The following GRIA4 variants were observed in gnomAD, a reference collection of about 807,000 sequenced individuals.
GRIA4 encodes glutamate receptor 4.
Under a neutral mutation model 104.0 loss-of-function variants are expected in GRIA4, and 34 were observed. That is an observed-to-expected ratio of 0.33 (90% confidence interval 0.25 to 0.44). The LOEUF (loss-of-function observed/expected upper bound fraction) is 0.44, where lower values mean the gene tolerates loss of function less well. Among genes scored for constraint, GRIA4 ranks in the 20% least tolerant of loss-of-function variants. GRIA4 has a pLI of 1.00. For synonymous variants in GRIA4, 386 were observed against 381.9 expected, an observed-to-expected ratio of 1.01 and a Z score of -0.13; for missense variants, 750 against 1,096.5, an observed-to-expected ratio of 0.68 and a Z score of 4.46.
intron 3 of GRIA4, among the ~76,000 whole-genome samples, chr11:105,625,936 A>T (rs977457367): frequency 2.0e-5 from 3 of 152,130 alleles, no homozygotes; most frequent in Non-Finnish European, 4.4e-5. Flanking sequence ...CCTCAATCTT[A>T]ATTCAGCTAG....
intron 4 of GRIA4, among the ~76,000 whole-genome samples, chr11:105,859,683 T>C (rs1398238975): frequency 6.6e-6 from 1 of 152,070 alleles, no homozygotes; most frequent in Non-Finnish European, 1.5e-5. Flanking sequence ...GAGAAGACTA[T>C]TTCTATGTGT....
chr11:105,794,469 G>GTATATATATATATATATA lies in GRIA4; in HGVS notation c.487+41252_487+41253insATATATATATATATATAT, dbSNP rs1200611859. 4.2e-4 allele frequency among the ~76,000 whole-genome samples: 17 copies of GTATATATATATATATATA among 40,760 alleles called. 3 individuals are homozygous for GTATATATATATATATATA. The highest frequency in any genetic ancestry group is 6.9e-4 in the Non-Finnish European group (14 of 20,346). The allele number at this position is 40,760 out of a possible 152,430, so 26.7% of individuals were successfully genotyped here. A position where few individuals can be genotyped will look rare whatever the true frequency, so the allele number is the denominator to read the frequency against. On this transcript the variant is annotated intron_variant, in intron 4 of 16. Transcript: ENST00000282499. ...TGTGTGTGTCTGTGTGTGTGTATAT[G>GTATATATATATATATATA]TATGTATATATATATATATATATAT...
At chr11:105,962,725 C>T (rs1047129451) in intron 14 of GRIA4, among the ~76,000 whole-genome samples, 5 of 152,130 alleles carry the variant, frequency 3.3e-5, no homozygotes, top group African/African-American at 1.2e-4. Context: ...GTCTATGCAA[C>T]GTCATTGTCA....
intron 4 of GRIA4, among the ~76,000 whole-genome samples, chr11:105,837,394 C>G (rs985341362): frequency 6.6e-6 from 1 of 152,070 alleles, no homozygotes; most frequent in Non-Finnish European, 1.5e-5. Context: ...GATCCAAGAC[C>G]ACAGCTGGAG....
chr11:105,752,496 T>C (rs1330308097), intron 3 of GRIA4, among the ~76,000 whole-genome samples: 1 of 152,102 alleles, frequency 6.6e-6, no homozygotes, highest in Admixed American at 6.6e-5. Context: ...TATAATCCAA[T>C]TCAAGAATAG....
intron 3 of GRIA4, among the ~76,000 whole-genome samples, chr11:105,617,838 G>C (rs184719029): frequency 6.6e-6 from 1 of 152,066 alleles, no homozygotes; most frequent in African/African-American, 2.4e-5. Context: ...GTGGGAAAGA[G>C]AGACAAGTCA....
At chr11:105,893,090 G>A (rs773943457) in intron 6 of GRIA4, among the ~76,000 whole-genome samples, 1 of 151,836 alleles carries the variant, frequency 6.6e-6, no homozygotes, top group Non-Finnish European at 1.5e-5. Flanking sequence ...CAAGTTGGAC[G>A]TTAATCTAGA....
intron 3 of GRIA4, among the ~76,000 whole-genome samples, chr11:105,699,649 C>A (rs1278487313): frequency 2.0e-5 from 3 of 152,016 alleles, no homozygotes; most frequent in Non-Finnish European, 4.4e-5. Context: ...ATTGCTACAC[C>A]TTGCACAGAA....
At chr11:105,788,552 C>T (rs1297715827) in intron 4 of GRIA4, among the ~76,000 whole-genome samples, 1 of 152,110 alleles carries the variant, frequency 6.6e-6, no homozygotes, top group African/African-American at 2.4e-5. Context: ...ACATGGAATA[C>T]TATGCAGCCA....
At chr11:105,618,535 C>A (rs1211097309) in intron 3 of GRIA4, among the ~76,000 whole-genome samples, 1 of 151,850 alleles carries the variant, frequency 6.6e-6, no homozygotes, top group Non-Finnish European at 1.5e-5. Flanking sequence ...GTTTTTTCAG[C>A]CTTCTGGCTT....
chr11:105,910,359 T>C (rs1947192453), intron 9 of GRIA4, 76 bp from the exon 10 acceptor site: 1 of 743,734 alleles, frequency 1.3e-6, no homozygotes, highest in Non-Finnish European at 2.4e-6. Flanking sequence ...TACCTATTCA[T>C]ACCCTTCATT....
intron 3 of GRIA4, among the ~76,000 whole-genome samples, chr11:105,622,520 C>T (rs1357092196): frequency 6.6e-6 from 1 of 151,696 alleles, no homozygotes; most frequent in Admixed American, 6.6e-5. Context: ...TTATTTACCC[C>T]TTTCTGATAG....
At chr11:105,620,550 A>G (rs916826649) in intron 3 of GRIA4, among the ~76,000 whole-genome samples, 10 of 151,804 alleles carry the variant, frequency 6.6e-5, no homozygotes, top group African/African-American at 2.4e-4. Context: ...TCTGATTTCA[A>G]GATGTTTTTC....
At chr11:105,736,577 A>G (rs1938961445) in intron 3 of GRIA4, among the ~76,000 whole-genome samples, 1 of 152,118 alleles carries the variant, frequency 6.6e-6, no homozygotes, top group Non-Finnish European at 1.5e-5. Context: ...TCTCATAAAC[A>G]CCTGATATAA....
intron 11 of GRIA4, among the ~76,000 whole-genome samples, chr11:105,923,129 G>A (rs1947613857): frequency 6.6e-6 from 1 of 152,070 alleles, no homozygotes; most frequent in African/African-American, 2.4e-5. Context: ...AGGATAGGTA[G>A]GAGTCATTGC....
chr11:105,813,294 C>T (rs1470261137), intron 4 of GRIA4, among the ~76,000 whole-genome samples: 2 of 151,882 alleles, frequency 1.3e-5, no homozygotes, highest in Non-Finnish European at 2.9e-5. Context: ...AATGGAATAA[C>T]TGAAGATTCT....
intron 7 of GRIA4, 101 bp from the exon 8 acceptor site, chr11:105,903,713 A>T: frequency 1.3e-6 from 1 of 759,700 alleles, no homozygotes; most frequent in Non-Finnish European, 2.3e-6. Context: ...TCCTTCAGAC[A>T]GAATGGTGCT....
chr11:105,712,180 A>G (rs1011861998), intron 3 of GRIA4, among the ~76,000 whole-genome samples: 12 of 152,086 alleles, frequency 7.9e-5, no homozygotes, highest in Admixed American at 5.9e-4. Context: ...TGGAAGGACA[A>G]CCTCAACCAA....
rs79275278 is a variant in GRIA4, at chr11:105,795,217, A to G, written c.487+41997A>G. ...ACTACAGACTTCACCAGAATGTTTA[A>G]TAGGTTAAGGATACCAGAAATTGTT... On this transcript the variant is annotated intron_variant, in intron 4 of 16. Transcript: ENST00000282499. 3.9e-3 allele frequency among the ~76,000 whole-genome samples: 601 copies of G among 152,276 alleles called. 6 individuals carry two copies. The highest frequency in any genetic ancestry group is 0.013 in the African/African-American group (553 of 41,578).
Sources: allele counts gnomAD v4.1 joint callset (sites outside exome capture counted in the v4.1 genomes callset), GRCh38; gene constraint gnomAD v4.1.1; transcripts MANE v1.5; gene names NCBI Gene and HGNC (gene_info 2026-07-23, HGNC 2026-07-21).